The following LMBRD1 variants were observed in gnomAD, a reference collection of about 807,000 sequenced individuals.
LMBRD1 encodes the protein lysosomal cobalamin transport escort protein LMBD1.
In LMBRD1, 64 loss-of-function variants were observed where a neutral mutation model predicts 74.8. The observed-to-expected ratio is 0.86, with a 90% confidence interval of 0.70 to 1.05. The LOEUF (loss-of-function observed/expected upper bound fraction) is 1.05. LMBRD1 is among the 50% of genes least tolerant of loss of function. LMBRD1 has a pLI of 0.00. For missense variants in LMBRD1, 652 were observed against 645.9 expected (o/e 1.01, Z -0.10); for synonymous variants, 204 against 216.3 (o/e 0.94, Z 0.50).
At chr6:69,789,752 T>C (rs924539037) in intron 2 of LMBRD1, among the ~76,000 whole-genome samples, 1 of 152,108 alleles carries the variant, frequency 6.6e-6, no homozygotes, top group Non-Finnish European at 1.5e-5. Context: ...TAAAAGTAAT[T>C]TGCATAATTT....
intron 7 of LMBRD1, among the ~76,000 whole-genome samples, chr6:69,726,912 G>A (rs1766749158): frequency 6.6e-6 from 1 of 152,210 alleles, no homozygotes; most frequent in Admixed American, 6.5e-5. Flanking sequence ...CCAACACTTT[G>A]GGAGGCTGAG....
At position 69,713,788 on chromosome 6, in the gene LMBRD1, C is replaced by T. The variant is rs1007866435; in HGVS notation, c.772G>A (p.Gly258Ser). 1 of 1,613,454 alleles carries T rather than the reference C, an allele frequency of 6.2e-7. No homozygotes were observed. The highest frequency in any genetic ancestry group is 2.2e-5 in the East Asian group (1 of 44,840). The change falls in exon 9 of 16, where the codon GGT (glycine) becomes AGT (serine). Residue 258 changes from glycine (G) to serine (S), a missense_variant. By Grantham distance (56) the Gly-to-Ser change is moderately conservative. Transcript: ENST00000649934. ...TTATCCCTTGCTGGCAAAGGTCGAC[C>T]ATCTTTGCTCTGCAAATAACAGAAC... ...IQTIKSKSKD[G>S]RPLPARDKRA...
At chr6:69,695,833 C>T (rs559989613) in intron 14 of LMBRD1, among the ~76,000 whole-genome samples, 22 of 132,630 alleles carry the variant, frequency 1.7e-4, no homozygotes, top group African/African-American at 4.7e-4. Flanking sequence ...ATTTTTCTAA[C>T]CTTAGTACTT....
Position 69,778,643 on chromosome 6 carries a change from C to A in LMBRD1, c.307+1851G>T, listed in dbSNP as rs181131338. 2.9e-4 allele frequency among the ~76,000 whole-genome samples: 44 copies of A among 152,194 alleles called. No homozygotes were observed. The East Asian group carries it at 6.6e-3, about 23-fold the overall frequency. The stretch of plus-strand genomic sequence containing the variant: ...TGTCATACAGGTGACAGACCTCCCC[C>A]CCTAAAACTTTGTGTAGAAGTATTT... On this transcript the variant is annotated intron_variant, in intron 3 of 15. Coordinates refer to ENST00000649934, the MANE Select transcript of LMBRD1 (RefSeq NM_018368.4).
intron 14 of LMBRD1, among the ~76,000 whole-genome samples, chr6:69,692,257 T>C (rs1765900971): frequency 6.8e-6 from 1 of 146,674 alleles, no homozygotes; most frequent in South Asian, 2.2e-4. Flanking sequence ...GGTCATGTGA[T>C]TATTTTTTAA....
chr6:69,775,460 T>C (rs1362542866), intron 3 of LMBRD1, among the ~76,000 whole-genome samples: 2 of 152,206 alleles, frequency 1.3e-5, no homozygotes, highest in East Asian at 3.9e-4. Flanking sequence ...TGCATAATGA[T>C]ACTAAGATAT....
intron 14 of LMBRD1, among the ~76,000 whole-genome samples, chr6:69,695,140 C>T (rs144558196): frequency 5.4e-4 from 82 of 151,956 alleles, no homozygotes; most frequent in African/African-American, 1.6e-3. Context: ...TACCATATTG[C>T]GCAGAATTGG....
intron 14 of LMBRD1, among the ~76,000 whole-genome samples, chr6:69,684,380 GAGAAAAT>G (rs1014423130): frequency 5.3e-5 from 8 of 151,416 alleles, no homozygotes; most frequent in African/African-American, 9.7e-5. Context: ...ATTCCCCAAA[GAGAAAAT>G]AGAAAATAGA....
At chr6:69,789,430 G>C (rs1363128417) in intron 2 of LMBRD1, among the ~76,000 whole-genome samples, 1 of 152,022 alleles carries the variant, frequency 6.6e-6, no homozygotes, top group African/African-American at 2.4e-5. Context: ...GGGAGGCTGA[G>C]GGACGAGAAT....
At chr6:69,766,378 T>C (rs1400103711) in intron 3 of LMBRD1, among the ~76,000 whole-genome samples, 1 of 151,984 alleles carries the variant, frequency 6.6e-6, no homozygotes, top group Non-Finnish European at 1.5e-5. Context: ...CAATGATCGA[T>C]ACTGGAATTT....
intron 3 of LMBRD1, among the ~76,000 whole-genome samples, chr6:69,771,805 A>C (rs925158490): frequency 6.6e-6 from 1 of 152,210 alleles, no homozygotes; most frequent in African/African-American, 2.4e-5. Flanking sequence ...CAGTAAAACA[A>C]GGGTGGAAAA....
At chr6:69,744,326 G>A (rs543288703) in intron 5 of LMBRD1, among the ~76,000 whole-genome samples, 2 of 152,210 alleles carry the variant, frequency 1.3e-5, no homozygotes, top group South Asian at 4.1e-4. Flanking sequence ...GCTTGTGAGA[G>A]TTATTTATAT....
chr6:69,736,818 G>A (rs920980922), intron 7 of LMBRD1, among the ~76,000 whole-genome samples: 4 of 152,106 alleles, frequency 2.6e-5, no homozygotes, highest in Non-Finnish European at 5.9e-5. Context: ...TAAAATCCAG[G>A]TCTAATTCCT....
intron 9 of LMBRD1, among the ~76,000 whole-genome samples, chr6:69,704,689 T>C (rs879472850): frequency 6.6e-5 from 10 of 152,130 alleles, no homozygotes; most frequent in Admixed American, 2.0e-4. Context: ...TTAAAACATA[T>C]GCATATGCAG....
intron 4 of LMBRD1, among the ~76,000 whole-genome samples, chr6:69,750,547 A>G (rs1395320819): frequency 6.6e-6 from 1 of 152,142 alleles, no homozygotes; most frequent in Non-Finnish European, 1.5e-5. Flanking sequence ...TCTAAAAATC[A>G]TCTTTTAAAA....
chr6:69,719,632 A>G (rs752845184), intron 7 of LMBRD1, among the ~76,000 whole-genome samples: 3 of 152,162 alleles, frequency 2.0e-5, no homozygotes, highest in African/African-American at 4.8e-5. Flanking sequence ...TTAAGAATAA[A>G]CATGTTATTA....
chr6:69,772,549 C>T (rs1765597528), intron 3 of LMBRD1, among the ~76,000 whole-genome samples: 2 of 152,050 alleles, frequency 1.3e-5, no homozygotes, highest in African/African-American at 2.4e-5. Flanking sequence ...TCTTACGCTA[C>T]TAGGTCTCTA....
In LMBRD1 at chr6:69,741,874, G is replaced by C. The variant is rs1477935067; in HGVS notation, c.477C>G (p.Ala159=). 2 of 1,573,214 alleles carry C rather than the reference G, an allele frequency of 1.3e-6. No homozygotes were observed. The highest frequency in any genetic ancestry group is 1.7e-6 in the Non-Finnish European group (2 of 1,143,614). The change falls in exon 6 of 16, where the codon GCC becomes GCG. Residue 159 remains alanine, a synonymous_variant. Coordinates refer to ENST00000649934, the MANE Select transcript of LMBRD1 (RefSeq NM_018368.4). ...TATTGGGAACATTCAATGGAACAAA[G>C]GCACTACAAAAGAGAAAATAATTGT... is the stretch of plus-strand genomic sequence containing the variant. ...VICALLLLVG[A]FVPLNVPNNK... is the part of the protein sequence containing the mutation.
At chr6:69,760,132 G>A (rs904396320) in intron 3 of LMBRD1, among the ~76,000 whole-genome samples, 5 of 152,056 alleles carry the variant, frequency 3.3e-5, no homozygotes, top group Admixed American at 1.3e-4. Context: ...TGATCTATCC[G>A]TTTGACTCCT....
Sources: gnomAD v4.1 joint callset for allele counts (sites outside exome capture counted in the v4.1 genomes callset) on GRCh38, gnomAD v4.1.1 for gene constraint, MANE v1.5 for transcripts, NCBI Gene and HGNC (gene_info 2026-07-23, HGNC 2026-07-21) for gene names.